LMBR1: variants seen among roughly 807,000 people sequenced by gnomAD.
The protein encoded by LMBR1 is limb development membrane protein 1, also known as limb region 1 protein homolog.
Under a neutral mutation model 73.9 loss-of-function variants are expected in LMBR1, and 52 were observed. The ratio of observed to expected loss-of-function variants is 0.70; its 90% CI spans 0.56 to 0.89. LMBR1 has a LOEUF of 0.89. Among genes scored for constraint, LMBR1 ranks in the 40% least tolerant of loss-of-function variants. LMBR1 has a pLI of 0.00. For missense variants in LMBR1, 539 were observed against 579.8 expected, an observed-to-expected ratio of 0.93 and a Z score of 0.72; for synonymous variants, 215 against 209.4, an observed-to-expected ratio of 1.03 and a Z score of -0.23.
At chr7:156,790,900 C>A (rs1391111832) in intron 5 of LMBR1, among the ~76,000 whole-genome samples, 2 of 152,158 alleles carry the variant, frequency 1.3e-5, no homozygotes, top group Non-Finnish European at 2.9e-5. Flanking sequence ...GTTATAACCA[C>A]ACCTTTACAG....
chr7:156,891,859 T>C (rs951088496), intron 1 of LMBR1, among the ~76,000 whole-genome samples: 1 of 152,262 alleles, frequency 6.6e-6, no homozygotes, highest in Non-Finnish European at 1.5e-5. Context: ...GTCCTCTTTA[T>C]TCAAAGTATG....
At chr7:156,733,999 G>A in intron 10 of LMBR1, 178 bp downstream of exon 10, 2 of 445,252 alleles carry the variant, frequency 4.5e-6, no homozygotes, top group Non-Finnish European at 4.1e-6. Flanking sequence ...CAAAAAAAGT[G>A]AATAAATGTA....
rs749725838 is a variant in LMBR1 at position 156,725,828 on chromosome 7, T to C, written c.1003A>G (p.Ile335Val). The change falls in exon 13 of 17, where the codon ATA becomes GTA. Residue 335 changes from isoleucine (I) to valine (V), a missense_variant. Physicochemically the swap from Ile to Val is conservative, Grantham distance 29 (BLOSUM62 3). Around this residue, in one of 3 missense-constraint regions of LMBR1, gnomAD observed 454 missense variants for 473.4 expected, o/e 0.96. Transcript: ENST00000353442. ...AMPKGTRGPGIGNASLSTFGF... is the reference protein window; with the variant it reads ...AMPKGTRGPGVGNASLSTFGF... ...AACGTAGAAAGAGAGGCATTTCCTA[T>C]TCCAGGCCCCTGGGGTGGGAGAAAG... 3.1e-6 allele frequency: 5 copies of C among 1,613,496 alleles called. No homozygotes were observed. The South Asian group carries it at 3.3e-5, about 11-fold the overall frequency.
intron 4 of LMBR1, among the ~76,000 whole-genome samples, chr7:156,820,237 C>T (rs1385047113): frequency 1.3e-5 from 2 of 152,146 alleles, no homozygotes; most frequent in African/African-American, 4.8e-5. Context: ...TATGCAGCTA[C>T]TGATCTGGCA....
chr7:156,889,907 G>A (rs1802592035), intron 1 of LMBR1, among the ~76,000 whole-genome samples: 1 of 152,102 alleles, frequency 6.6e-6, no homozygotes, highest in Admixed American at 6.5e-5. Context: ...GGGAAGCTGA[G>A]GTGGGAGGAT....
chr7:156,818,417 T>G (rs192596957), intron 4 of LMBR1, among the ~76,000 whole-genome samples: 2 of 152,228 alleles, frequency 1.3e-5, no homozygotes, highest in African/African-American at 4.8e-5. Flanking sequence ...TCTCTGGTCA[T>G]AAGTGAGTGG....
At chr7:156,762,355 T>C (rs1346581616) in intron 7 of LMBR1, among the ~76,000 whole-genome samples, 157 bp from the exon 8 acceptor site, 1 of 152,162 alleles carries the variant, frequency 6.6e-6, no homozygotes, top group East Asian at 1.9e-4. Context: ...GTCAGAGAAC[T>C]CTTCACCATC....
chr7:156,796,542 T>G, intron 4 of LMBR1, 50 bp from the exon 5 acceptor site: 1 of 1,209,656 alleles, frequency 8.3e-7, no homozygotes, highest in South Asian at 1.4e-5. Flanking sequence ...GATATTGAAA[T>G]TGTGGTATTA....
chr7:156,698,160 C>T (rs1808747969), intron 15 of LMBR1, among the ~76,000 whole-genome samples: 1 of 152,228 alleles, frequency 6.6e-6, no homozygotes, highest in Admixed American at 6.5e-5. Context: ...CTCCATGTCT[C>T]GCATCCAGGT....
chr7:156,831,496 G>A (rs949661153), intron 3 of LMBR1, among the ~76,000 whole-genome samples: 40 of 152,006 alleles, frequency 2.6e-4, no homozygotes, highest in Non-Finnish European at 1.0e-4. Flanking sequence ...ATAAGGGCAG[G>A]GAAGAAAGAT....
intron 1 of LMBR1, 145 bp downstream of exon 1, chr7:156,892,783 G>T (rs1428479162): frequency 1.6e-5 from 7 of 436,366 alleles, no homozygotes; most frequent in Non-Finnish European, 2.4e-5. Context: ...GAGGAGGGGT[G>T]GGGAGGGAGA....
intron 9 of LMBR1, among the ~76,000 whole-genome samples, chr7:156,743,120 TA>T (rs1021630714): frequency 2.4e-4 from 36 of 152,154 alleles, no homozygotes; most frequent in African/African-American, 8.4e-4. Context: ...AACCATTATA[TA>T]AACAGGATTT....
intron 4 of LMBR1, among the ~76,000 whole-genome samples, chr7:156,811,378 G>A (rs544871440): frequency 1.2e-4 from 18 of 151,808 alleles, no homozygotes; most frequent in Non-Finnish European, 2.1e-4. Flanking sequence ...TTGGGAGGCC[G>A]AGGCAGGTGG....
At chr7:156,732,538 G>A (rs914964562) in intron 10 of LMBR1, among the ~76,000 whole-genome samples, 4 of 152,020 alleles carry the variant, frequency 2.6e-5, no homozygotes, top group South Asian at 4.2e-4. Flanking sequence ...CAAGTATATC[G>A]GCTCAGGCAT....
intron 10 of LMBR1, among the ~76,000 whole-genome samples, chr7:156,733,495 T>C (rs1212747103): frequency 2.0e-5 from 3 of 150,520 alleles, no homozygotes; most frequent in Admixed American, 6.6e-5. Flanking sequence ...AAACTGCAGA[T>C]GGTAGAAAAA....
At chr7:156,736,208 G>A (rs184662069) in intron 9 of LMBR1, among the ~76,000 whole-genome samples, 32 of 152,228 alleles carry the variant, frequency 2.1e-4, no homozygotes, top group African/African-American at 6.3e-4. Context: ...ATCTAACCGG[G>A]GAAATCCGCA....
intron 1 of LMBR1, among the ~76,000 whole-genome samples, chr7:156,850,596 C>T (rs900877885): frequency 2.0e-5 from 3 of 152,140 alleles, no homozygotes; most frequent in Admixed American, 6.5e-5. Flanking sequence ...AAGGTTCATC[C>T]ATGCTGTAGC....
At chr7:156,871,803 A>T (rs1223705016) in intron 1 of LMBR1, among the ~76,000 whole-genome samples, 1 of 152,238 alleles carries the variant, frequency 6.6e-6, no homozygotes, top group Non-Finnish European at 1.5e-5. Context: ...AATGTAATAA[A>T]GGCCATATAT....
intron 9 of LMBR1, among the ~76,000 whole-genome samples, chr7:156,739,777 A>G (rs1818560461): frequency 6.6e-6 from 1 of 152,190 alleles, no homozygotes; most frequent in Non-Finnish European, 1.5e-5. Flanking sequence ...CAAGAAAGAC[A>G]GGCACATACA....
Sources: allele counts gnomAD v4.1 joint callset (sites outside exome capture counted in the v4.1 genomes callset), GRCh38; gene constraint gnomAD v4.1.1; regional missense constraint gnomAD v4.1.1; transcripts MANE v1.5; gene names NCBI Gene and HGNC (gene_info 2026-07-23, HGNC 2026-07-21).